GSG1L: variants seen among roughly 807,000 people sequenced by gnomAD.
GSG1L encodes the protein germ cell-specific gene 1-like protein.
GSG1L carries 24 observed loss-of-function variants against 42.1 expected under a neutral mutation model. That is an observed-to-expected ratio of 0.57 (90% CI 0.41 to 0.80). The LOEUF is 0.80. Among genes scored for constraint, GSG1L ranks in the 30% least tolerant of loss-of-function variants. The probability of loss-of-function intolerance (pLI) is 0.00; values close to 1 mark genes in which losing one functional copy is unlikely to be tolerated. For missense variants in GSG1L, 445 were observed against 472.2 expected (o/e 0.94, Z 0.53); for synonymous variants, 215 against 203.5 (o/e 1.06, Z -0.48).
intron 1 of GSG1L, among the ~76,000 whole-genome samples, chr16:27,996,694 T>G (rs578095719): frequency 7.2e-5 from 11 of 152,380 alleles, no homozygotes; most frequent in African/African-American, 2.6e-4. Context: ...CTATTCATTT[T>G]CCATTGCTGC....
chr16:27,895,799 G>C lies in GSG1L; in HGVS notation c.398-11161C>G, dbSNP rs142069945. Among the ~76,000 whole-genome samples, 207 of 152,276 alleles carry C rather than the reference G, an allele frequency of 1.4e-3. 1 individual carries two copies. Among genetic ancestry groups the C allele is most frequent in the African/African-American group, 4.9e-3 (202 of 41,552 alleles). ...GAAAGCTTTTATGCTTTGACTCCAGGTCATAGTAGAGACCCTCAGTGGATA... is the reference window on the plus strand; with the variant it reads ...GAAAGCTTTTATGCTTTGACTCCAGCTCATAGTAGAGACCCTCAGTGGATA... On this transcript the variant is annotated intron_variant, in intron 2 of 6. Transcript: ENST00000447459.
At chr16:27,933,974 A>G (rs748732692) in intron 2 of GSG1L, among the ~76,000 whole-genome samples, 2 of 152,196 alleles carry the variant, frequency 1.3e-5, no homozygotes, top group Non-Finnish European at 2.9e-5. Context: ...GTTGAACTCA[A>G]TTAAATCTTC....
intron 1 of GSG1L, among the ~76,000 whole-genome samples, chr16:28,046,488 G>A (rs2086160425): frequency 1.3e-5 from 2 of 151,724 alleles, no homozygotes; most frequent in African/African-American, 4.8e-5. Flanking sequence ...CGAATAGCTC[G>A]GACGACAGGC....
In GSG1L at chr16:27,973,797, G is replaced by A. The variant is rs137936659; in HGVS notation, c.350-10594C>T. Among the ~76,000 whole-genome samples the A allele has an allele frequency of 5.9e-5, 9 of 152,262 alleles. No individual in the cohort carries two copies. The East Asian group carries it at 1.4e-3, about 23-fold the overall frequency. ...TACAGTGCATATTATAGGGTAGGTC[G>A]GCAGGGCTTGTTGTCAACCACCAGG... On this transcript the variant is annotated intron_variant, in intron 1 of 6. Coordinates refer to ENST00000447459, the MANE Select transcript of GSG1L (RefSeq NM_001109763.2).
chr16:27,934,157 C>T (rs572964830), intron 2 of GSG1L, among the ~76,000 whole-genome samples: 9 of 152,320 alleles, frequency 5.9e-5, no homozygotes, highest in African/African-American at 1.7e-4. Flanking sequence ...GGCCACTCCC[C>T]GCCAACACTA....
chr16:27,804,407 G>A (rs62031095), intron 6 of GSG1L, among the ~76,000 whole-genome samples: 23,205 of 151,972 alleles, frequency 0.15, 2,042 homozygotes, highest in Non-Finnish European at 0.21. Flanking sequence ...TGGTTTCTCA[G>A]AGCGCTGACT....
At chr16:28,057,108 G>T (rs538539662) in intron 1 of GSG1L, among the ~76,000 whole-genome samples, 9 of 152,142 alleles carry the variant, frequency 5.9e-5, no homozygotes, top group Non-Finnish European at 1.3e-4. Flanking sequence ...GGAAGGGCAG[G>T]AGGCAGCAGA....
intron 2 of GSG1L, among the ~76,000 whole-genome samples, chr16:27,929,090 G>C (rs947011535): frequency 2.0e-5 from 3 of 152,146 alleles, no homozygotes. Flanking sequence ...TGCAGCCCAG[G>C]TACCTGTATT....
At chr16:28,017,636 C>T (rs967348915) in intron 1 of GSG1L, among the ~76,000 whole-genome samples, 9 of 152,122 alleles carry the variant, frequency 5.9e-5, no homozygotes, top group African/African-American at 1.9e-4. Flanking sequence ...ACTACGCAGC[C>T]GTGGAAATAA....
rs1311162333 is a variant in GSG1L, at chr16:28,046,481, A to G, written c.349+16595T>C. Among the ~76,000 whole-genome samples, 4 of 151,216 alleles carry G rather than the reference A, an allele frequency of 2.6e-5. No homozygotes were observed. In the East Asian group the frequency reaches 5.9e-4, roughly 22 times the overall value. On this transcript the variant is annotated intron_variant, in intron 1 of 6. Coordinates refer to ENST00000447459, the MANE Select transcript of GSG1L (RefSeq NM_001109763.2). Reference sequence around the variant, plus strand: ...CGATTCTCCTGCCTCAGCCTCCCGAATAGCTCGGACGACAGGCGCCCGCCA... The same window carrying G: ...CGATTCTCCTGCCTCAGCCTCCCGAGTAGCTCGGACGACAGGCGCCCGCCA...
chr16:27,952,976 C>T (rs1479275759), intron 2 of GSG1L, among the ~76,000 whole-genome samples: 1 of 152,266 alleles, frequency 6.6e-6, no homozygotes, highest in Non-Finnish European at 1.5e-5. Flanking sequence ...TCTAACAATA[C>T]AGATAGGGCT....
chr16:27,813,336 T>C (rs1376707331), intron 5 of GSG1L, among the ~76,000 whole-genome samples: 1 of 152,212 alleles, frequency 6.6e-6, no homozygotes, highest in Non-Finnish European at 1.5e-5. Flanking sequence ...TGGTTTTCTG[T>C]TCCTGCGTTG....
At chr16:27,922,377 T>C (rs1282782310) in intron 2 of GSG1L, among the ~76,000 whole-genome samples, 3 of 152,248 alleles carry the variant, frequency 2.0e-5, no homozygotes. Context: ...CATATAATTA[T>C]GCCTTTTCCT....
At chr16:27,851,829 C>T (rs1046480152) in intron 3 of GSG1L, among the ~76,000 whole-genome samples, 1 of 152,206 alleles carries the variant, frequency 6.6e-6, no homozygotes, top group Non-Finnish European at 1.5e-5. Context: ...CGAGATGCCA[C>T]GAATCATCTT....
intron 1 of GSG1L, among the ~76,000 whole-genome samples, chr16:28,044,021 G>GA (rs1180740360): frequency 2.0e-5 from 3 of 151,216 alleles, no homozygotes; most frequent in Admixed American, 6.6e-5. Context: ...GATCCTGTCT[G>GA]AAAAAAACAA....
intron 1 of GSG1L, among the ~76,000 whole-genome samples, chr16:27,964,803 A>G (rs943800564): frequency 6.6e-6 from 1 of 152,202 alleles, no homozygotes; most frequent in African/African-American, 2.4e-5. Flanking sequence ...GGCGGGGAGC[A>G]GTGGGGATGC....
chr16:27,821,215 C>T (rs1006620371), intron 5 of GSG1L, among the ~76,000 whole-genome samples: 3 of 152,098 alleles, frequency 2.0e-5, no homozygotes, highest in South Asian at 2.1e-4. Flanking sequence ...TGTTGCCATG[C>T]TGGAACATGG....
intron 2 of GSG1L, among the ~76,000 whole-genome samples, chr16:27,935,654 G>A (rs937261450): frequency 2.0e-5 from 3 of 151,650 alleles, no homozygotes; most frequent in African/African-American, 7.3e-5. Flanking sequence ...TGATTCCATT[G>A]TCTTGCAAGT....
chr16:27,905,403 C>T (rs1042310946), intron 2 of GSG1L, among the ~76,000 whole-genome samples: 2 of 151,138 alleles, frequency 1.3e-5, no homozygotes, highest in Non-Finnish European at 2.9e-5. Flanking sequence ...TAGCTCACTG[C>T]ACCTCCTGGG....
Sources: allele counts gnomAD v4.1 joint callset (sites outside exome capture counted in the v4.1 genomes callset), GRCh38; gene constraint gnomAD v4.1.1; transcripts MANE v1.5; gene names NCBI Gene and HGNC (gene_info 2026-07-23, HGNC 2026-07-21).